Variants in MYO9A observed in about 807,000 individuals in gnomAD.
The protein encoded by MYO9A is myosin IXA.
MYO9A carries 103 observed loss-of-function variants against 293.3 expected under a neutral mutation model. That is an observed-to-expected ratio of 0.35 (90% CI 0.30 to 0.41). The LOEUF (loss-of-function observed/expected upper bound fraction) is 0.41. Ranked by LOEUF, MYO9A falls within the 10% of genes least tolerant of loss-of-function variation. The probability of loss-of-function intolerance (pLI) is 1.00; values close to 1 mark genes in which losing one functional copy is unlikely to be tolerated. For missense variants in MYO9A, 2,685 were observed against 3,033.0 expected, an observed-to-expected ratio of 0.89 and a Z score of 2.69; for synonymous variants, 1,001 against 1,035.7, an observed-to-expected ratio of 0.97 and a Z score of 0.64.
chr15:72,010,544 T>C lies in MYO9A; in HGVS notation c.1156-97A>G, dbSNP rs2077142626. On this transcript the variant is annotated intron_variant, in intron 6 of 41. Transcript: ENST00000356056. ...TGGTAATTTAGGATAGGTACCTGTATGTATAAATGCAAATTAGAGCTGGTA... is the reference window on the plus strand; with the variant it reads ...TGGTAATTTAGGATAGGTACCTGTACGTATAAATGCAAATTAGAGCTGGTA... 4 of 1,044,780 alleles carry C rather than the reference T, an allele frequency of 3.8e-6. No homozygotes were observed. In the East Asian group the frequency reaches 7.8e-5, roughly 20 times the overall value. 64.7% of individuals were successfully genotyped at this position (1,044,780 alleles called of 1,614,324 possible). A position where few individuals can be genotyped will look rare whatever the true frequency, so the allele number is the denominator to read the frequency against.
intron 9 of MYO9A, among the ~76,000 whole-genome samples, chr15:71,995,861 AC>A (rs757386180): frequency 4.6e-5 from 7 of 152,156 alleles, no homozygotes; most frequent in Non-Finnish European, 1.0e-4. Context: ...TAATACTACA[AC>A]CTACCACATA....
At chr15:72,096,997 G>C (rs548397497) in intron 1 of MYO9A, among the ~76,000 whole-genome samples, 1 of 152,188 alleles carries the variant, frequency 6.6e-6, no homozygotes, top group Non-Finnish European at 1.5e-5. Flanking sequence ...GATGACCAAA[G>C]AAAGTGGTTT....
chr15:71,949,258 A>G (rs974504557), intron 15 of MYO9A, among the ~76,000 whole-genome samples: 1 of 152,000 alleles, frequency 6.6e-6, no homozygotes, highest in Non-Finnish European at 1.5e-5. Flanking sequence ...GCTGGAGTGC[A>G]GTGGTGTGAT....
chr15:71,999,723 C>A, intron 9 of MYO9A, 128 bp downstream of exon 9: 1 of 620,622 alleles, frequency 1.6e-6, no homozygotes, highest in Non-Finnish European at 2.7e-6. Flanking sequence ...ATGTAAAGGC[C>A]TAGAAAATAT....
At chr15:71,989,494 G>GT (rs908951123) in intron 11 of MYO9A, among the ~76,000 whole-genome samples, 82 of 152,194 alleles carry the variant, frequency 5.4e-4, no homozygotes, top group African/African-American at 1.9e-3. Context: ...GTATATGCAG[G>GT]TTTGTATCAG....
At chr15:71,879,984 T>C in intron 29 of MYO9A, 147 bp from the exon 30 acceptor site, 1 of 621,806 alleles carries the variant, frequency 1.6e-6, no homozygotes, top group Non-Finnish European at 2.8e-6. Flanking sequence ...AAGTTATGAC[T>C]AGACAGTCAA....
intron 18 of MYO9A, among the ~76,000 whole-genome samples, chr15:71,925,357 G>A (rs2058282356): frequency 6.8e-6 from 1 of 148,000 alleles, no homozygotes; most frequent in Non-Finnish European, 1.5e-5. Context: ...ATACTTACAT[G>A]TATATATACA....
chr15:71,925,741 T>C (rs2058295402), intron 18 of MYO9A, among the ~76,000 whole-genome samples: 1 of 152,210 alleles, frequency 6.6e-6, no homozygotes, highest in African/African-American at 2.4e-5. Flanking sequence ...ACTTAACATT[T>C]AATTGTAGCT....
intron 18 of MYO9A, among the ~76,000 whole-genome samples, chr15:71,917,545 C>CA (rs1043489787): frequency 2.0e-5 from 3 of 151,906 alleles, no homozygotes; most frequent in Non-Finnish European, 4.4e-5. Context: ...AAACAAAAAA[C>CA]AAAAAAACCA....
rs142146070 is a variant in MYO9A at position 71,985,739 on chromosome 15, A to C, written c.1722+5364T>G. ...TCTTTCTTATAGTCTAGGCCCTGTA[A>C]AACTTATTTGAAGGTACTCCAATGC... On this transcript the variant is annotated intron_variant, in intron 11 of 41. Transcript: ENST00000356056. Among the ~76,000 whole-genome samples, 332 of 152,290 alleles carry C rather than the reference A, an allele frequency of 2.2e-3. 1 individual carries two copies. Among genetic ancestry groups the C allele is most frequent in the African/African-American group, 7.6e-3 (316 of 41,558 alleles).
intron 9 of MYO9A, among the ~76,000 whole-genome samples, chr15:71,995,314 T>C (rs1308985987): frequency 1.3e-5 from 2 of 152,194 alleles, no homozygotes; most frequent in Non-Finnish European, 2.9e-5. Flanking sequence ...TCTTAAAACA[T>C]ACACTAATAC....
At chr15:72,079,443 T>C (rs1441350600) in intron 1 of MYO9A, among the ~76,000 whole-genome samples, 1 of 152,170 alleles carries the variant, frequency 6.6e-6, no homozygotes, top group Non-Finnish European at 1.5e-5. Context: ...AATGTAATAC[T>C]CAACAGTCTC....
At chr15:72,112,990 A>T (rs1435003857) in intron 1 of MYO9A, among the ~76,000 whole-genome samples, 1 of 152,164 alleles carries the variant, frequency 6.6e-6, no homozygotes, top group Non-Finnish European at 1.5e-5. Context: ...TAGCACTTTC[A>T]AAGGCTGAGG....
intron 1 of MYO9A, among the ~76,000 whole-genome samples, chr15:72,090,223 C>G (rs1395863077): frequency 6.6e-6 from 1 of 152,122 alleles, no homozygotes. Flanking sequence ...TTAAGCTTCT[C>G]TAAGCTTTAG....
intron 39 of MYO9A, among the ~76,000 whole-genome samples, chr15:71,836,280 C>T (rs78129763): frequency 1.3e-5 from 2 of 151,964 alleles, no homozygotes; most frequent in East Asian, 1.9e-4. Flanking sequence ...TATACACACA[C>T]ATTATACATG....
intron 12 of MYO9A, among the ~76,000 whole-genome samples, chr15:71,975,237 T>C (rs1033155296): frequency 1.3e-5 from 2 of 152,190 alleles, no homozygotes; most frequent in Non-Finnish European, 2.9e-5. Context: ...TTGAGTTGTA[T>C]ATTCTTTTGA....
At position 72,046,507 on chromosome 15, in the gene MYO9A, C is replaced by G. The variant is rs760144257; in HGVS notation, c.57G>C (p.Arg19=). The change falls in exon 2 of 42, where the codon CGG becomes CGC. Residue 19 remains arginine, a synonymous_variant. Transcript: ENST00000356056. ...CTTCTGAAATAGCCCCAGGATATAT[C>G]CGTAATGTATGTTCATTATCTTCAA... The part of the protein sequence containing the change: ...RRFEDNEHTL[R]IYPGAISEGT... 1 of 1,613,322 alleles carries G rather than the reference C, an allele frequency of 6.2e-7. No homozygotes were observed. The highest frequency in any genetic ancestry group is 1.1e-5 in the South Asian group (1 of 90,974).
At chr15:71,996,227 T>C (rs2076695157) in intron 9 of MYO9A, among the ~76,000 whole-genome samples, 1 of 152,138 alleles carries the variant, frequency 6.6e-6, no homozygotes, top group South Asian at 2.1e-4. Flanking sequence ...AATCAACAAA[T>C]ATAAGACATA....
intron 32 of MYO9A, among the ~76,000 whole-genome samples, chr15:71,872,531 G>A (rs1196468759): frequency 7.9e-5 from 12 of 152,014 alleles, no homozygotes. Context: ...CAAATACCCT[G>A]ACTTGATCAT....
Sources: allele counts gnomAD v4.1 joint callset (sites outside exome capture counted in the v4.1 genomes callset), GRCh38; gene constraint gnomAD v4.1.1; transcripts MANE v1.5; gene names NCBI Gene and HGNC (gene_info 2026-07-23, HGNC 2026-07-21).